SV2C: variants seen among roughly 807,000 people sequenced by gnomAD.
The protein encoded by SV2C is solute carrier family 22 member B3.
A neutral mutation model predicts 79.7 loss-of-function variants in SV2C; 49 were observed. The observed-to-expected ratio is 0.61, with a 90% CI of 0.49 to 0.78. The LOEUF is 0.78. Ranked by LOEUF, SV2C falls within the 30% of genes least tolerant of loss-of-function variation. The probability of loss-of-function intolerance (pLI) is 0.00; values close to 1 mark genes in which losing one functional copy is unlikely to be tolerated. For missense variants in SV2C, 833 were observed against 912.9 expected (o/e 0.91, Z 1.13); for synonymous variants, 334 against 333.2 (o/e 1.00, Z -0.03).
the SV2C span, among the ~76,000 whole-genome samples, chr5:76,003,426 A>C: frequency 6.6e-6 from 1 of 152,184 alleles, no homozygotes; most frequent in African/African-American, 2.4e-5. Context: ...TTCATGGGCT[A>C]TTATTATAAT....
At chr5:76,149,635 G>C (rs1749539508) in intron 2 of SV2C, among the ~76,000 whole-genome samples, 1 of 152,182 alleles carries the variant, frequency 6.6e-6, no homozygotes, top group Non-Finnish European at 1.5e-5. Context: ...ATGTATGAAG[G>C]GTGAAGTTTT....
chr5:75,992,233 G>C, the SV2C span, among the ~76,000 whole-genome samples: 9 of 152,100 alleles, frequency 5.9e-5, no homozygotes, highest in African/African-American at 1.9e-4. Context: ...GAGCAAGAAG[G>C]CTCTGTTGAT....
intron 3 of SV2C, among the ~76,000 whole-genome samples, chr5:76,208,982 C>G (rs1744690226): frequency 6.6e-6 from 1 of 152,110 alleles, no homozygotes; most frequent in Non-Finnish European, 1.5e-5. Flanking sequence ...GCACCCTTAC[C>G]CTGGGTAGAG....
intron 12 of SV2C, among the ~76,000 whole-genome samples, chr5:76,348,252 T>C (rs1749579768): frequency 6.6e-6 from 1 of 152,332 alleles, no homozygotes; most frequent in South Asian, 2.1e-4. Flanking sequence ...TCCATGTATA[T>C]TCATGGCTTG....
chr5:76,199,346 A>C (rs1252432172), intron 3 of SV2C, among the ~76,000 whole-genome samples: 1 of 152,176 alleles, frequency 6.6e-6, no homozygotes, highest in Non-Finnish European at 1.5e-5. Flanking sequence ...CCTCTGGTGC[A>C]CATAGGCCCC....
the SV2C span, among the ~76,000 whole-genome samples, chr5:75,908,555 T>C: frequency 5.3e-5 from 8 of 152,166 alleles, no homozygotes; most frequent in Non-Finnish European, 1.0e-4. Context: ...ACCTGTCCCA[T>C]GGTTGAACTA....
the SV2C span, among the ~76,000 whole-genome samples, chr5:75,991,592 T>C: frequency 0.28 from 40,976 of 144,920 alleles, 6,997 homozygotes; most frequent in Middle Eastern, 0.41. Context: ...TATACACACA[T>C]ATATATATAT....
intron 3 of SV2C, among the ~76,000 whole-genome samples, chr5:76,208,498 C>G: frequency 6.6e-6 from 1 of 152,218 alleles, no homozygotes; most frequent in African/African-American, 2.4e-5. Context: ...TGCAGGATGA[C>G]ATTGTAAATC....
the SV2C span, among the ~76,000 whole-genome samples, chr5:75,875,194 C>T: frequency 6.6e-6 from 1 of 152,076 alleles, no homozygotes; most frequent in African/African-American, 2.4e-5. Flanking sequence ...TACAAGCTAA[C>T]AGTAATCAAA....
chr5:76,066,740 T>A, the SV2C span, among the ~76,000 whole-genome samples: 1 of 151,152 alleles, frequency 6.6e-6, no homozygotes, highest in East Asian at 1.9e-4. Context: ...TGCACAACTG[T>A]CTTTGTACAG....
chr5:76,124,071 A>T (rs1271173249), intron 1 of SV2C, among the ~76,000 whole-genome samples: 1 of 152,206 alleles, frequency 6.6e-6, no homozygotes. Flanking sequence ...CTGGATTTTT[A>T]AAGTATTACT....
the SV2C span, among the ~76,000 whole-genome samples, chr5:75,940,448 G>T: frequency 4.0e-3 from 413 of 102,748 alleles, 3 homozygotes; most frequent in African/African-American, 0.017. Context: ...TGTGCAGTCA[G>T]GTTTTGTTCT....
chr5:76,262,993 T>A (rs1448946092), intron 4 of SV2C, among the ~76,000 whole-genome samples: 2 of 152,152 alleles, frequency 1.3e-5, no homozygotes, highest in Admixed American at 6.5e-5. Context: ...CCTTGTTAAT[T>A]TTCTGTCTCA....
intron 4 of SV2C, among the ~76,000 whole-genome samples, chr5:76,215,362 G>C (rs998949628): frequency 6.6e-6 from 1 of 152,118 alleles, no homozygotes; most frequent in Non-Finnish European, 1.5e-5. Flanking sequence ...AGCCTGATCT[G>C]TTCAGTGTTT....
At chr5:75,949,946 G>A in the SV2C span, among the ~76,000 whole-genome samples, 217 of 152,082 alleles carry the variant, frequency 1.4e-3, 1 homozygote, top group Admixed American at 4.5e-3. Context: ...TAAGAAAAAC[G>A]GGGAGTTAAG....
chr5:75,964,565 A>G, the SV2C span, among the ~76,000 whole-genome samples: 2 of 150,746 alleles, frequency 1.3e-5, no homozygotes, highest in African/African-American at 4.9e-5. Flanking sequence ...AGTCTCTTAG[A>G]CTCTTAGTCT....
upstream of SV2C, among the ~76,000 whole-genome samples, chr5:76,080,532 A>G (rs563294026): frequency 2.0e-5 from 3 of 152,282 alleles, no homozygotes; most frequent in African/African-American, 4.8e-5. Context: ...TTCTATACCC[A>G]TTGTGTACTA....
chr5:75,989,493 A>G, the SV2C span, among the ~76,000 whole-genome samples: 1 of 152,010 alleles, frequency 6.6e-6, no homozygotes, highest in Non-Finnish European at 1.5e-5. Flanking sequence ...ATAGTATTTC[A>G]TGTTGTATAT....
At chr5:76,055,915 T>G in the SV2C span, among the ~76,000 whole-genome samples, 5 of 152,192 alleles carry the variant, frequency 3.3e-5, no homozygotes, top group African/African-American at 4.8e-5. Context: ...AATGGGGTTT[T>G]TTAAATATAG....
Sources: gnomAD v4.1 joint callset for allele counts (sites outside exome capture counted in the v4.1 genomes callset) on GRCh38, gnomAD v4.1.1 for gene constraint, MANE v1.5 for transcripts, NCBI Gene and HGNC (gene_info 2026-07-23, HGNC 2026-07-21) for gene names.